The following LRRFIP1 variants were observed in gnomAD, a reference collection of about 807,000 sequenced individuals.
LRRFIP1 encodes the protein LRR binding FLII interacting protein 1.
Under a neutral mutation model 104.4 loss-of-function variants are expected in LRRFIP1, and 62 were observed. That is an observed-to-expected ratio of 0.59 (90% CI 0.48 to 0.73). The LOEUF (loss-of-function observed/expected upper bound fraction) is 0.73, where lower values mean the gene tolerates loss of function less well. Among genes scored for constraint, LRRFIP1 ranks in the 30% least tolerant of loss-of-function variants. LRRFIP1 has a pLI of 0.00. For synonymous variants in LRRFIP1, 300 were observed against 299.0 expected, an observed-to-expected ratio of 1.00 and a Z score of -0.03; for missense variants, 796 against 824.5, an observed-to-expected ratio of 0.97 and a Z score of 0.42.
Position 237,647,387 on chromosome 2 carries a change from G to A in LRRFIP1, c.96+19647G>A, listed in dbSNP as rs551515074. Among the ~76,000 whole-genome samples the A allele has an allele frequency of 3.0e-4, 45 of 152,136 alleles. 1 individual carries two copies. Among genetic ancestry groups the A allele is most frequent in the Non-Finnish European group, 4.9e-4 (33 of 67,928 alleles). On this transcript the variant is annotated intron_variant, in intron 1 of 23. Transcript: ENST00000308482. ...CTTCTGCCCAGAAGTGGCACAGATG[G>A]TGGAAAGGTGCCAGGTGGGCTCCTC...
At chr2:237,629,686 G>T (rs1195974571) in intron 1 of LRRFIP1, among the ~76,000 whole-genome samples, 1 of 152,042 alleles carries the variant, frequency 6.6e-6, no homozygotes, top group South Asian at 2.1e-4. Flanking sequence ...TGGCCAGGCT[G>T]GTCTCAAACT....
intron 23 of LRRFIP1, among the ~76,000 whole-genome samples, chr2:237,776,939 CTG>C (rs2061145941): frequency 6.6e-6 from 1 of 152,088 alleles, no homozygotes. Context: ...ACCATTTGTT[CTG>C]TCTTTTGTGT....
At chr2:237,755,281 ACT>A (rs1459890398) in intron 15 of LRRFIP1, among the ~76,000 whole-genome samples, 2 of 151,650 alleles carry the variant, frequency 1.3e-5, no homozygotes, top group East Asian at 1.9e-4. Context: ...GCTCCCCCAA[ACT>A]CTCCTGTTTT....
intron 2 of LRRFIP1, among the ~76,000 whole-genome samples, chr2:237,710,479 G>A (rs529066242): frequency 1.3e-5 from 2 of 151,992 alleles, no homozygotes; most frequent in South Asian, 4.2e-4. Flanking sequence ...TAGAGATGGG[G>A]TTTCACCGTG....
intron 1 of LRRFIP1, among the ~76,000 whole-genome samples, chr2:237,693,921 TC>T (rs1312113872): frequency 2.6e-5 from 4 of 152,114 alleles, no homozygotes; most frequent in African/African-American, 7.2e-5. Context: ...TCAGATGACT[TC>T]GAGATGCTGC....
chr2:237,719,301 T>C (rs183517818), intron 4 of LRRFIP1, among the ~76,000 whole-genome samples: 1 of 152,332 alleles, frequency 6.6e-6, no homozygotes, highest in Admixed American at 6.5e-5. Context: ...AAAAATGAAG[T>C]ATGCAAATTA....
intron 11 of LRRFIP1, among the ~76,000 whole-genome samples, chr2:237,747,357 C>T (rs992747292): frequency 2.6e-5 from 4 of 152,118 alleles, no homozygotes; most frequent in South Asian, 2.1e-4. Flanking sequence ...CTGGTGGGAC[C>T]GGATGGTGAG....
intron 9 of LRRFIP1, 55 bp downstream of exon 9, chr2:237,733,873 GC>G: frequency 6.5e-7 from 1 of 1,532,670 alleles, no homozygotes; most frequent in Non-Finnish European, 8.9e-7. Context: ...TGCATGCACC[GC>G]CCCCACCAAG....
chr2:237,735,446 G>GCCGAGTCACCGGGCTAA lies in LRRFIP1; in HGVS notation c.555+117_555+133dup. 1 of 955,844 alleles carries GCCGAGTCACCGGGCTAA rather than the reference G, an allele frequency of 1.0e-6. No homozygotes were observed. 59.2% of individuals were successfully genotyped at this position (955,844 alleles called of 1,614,324 possible). A position where few individuals can be genotyped will look rare whatever the true frequency, so the allele number is the denominator to read the frequency against. ...TGACTGGCCATTCTCAGGAGGAAGC[G>GCCGAGTCACCGGGCTAA]CCGAGTCACCGGGCTAACCGCCACC... On this transcript the variant is annotated intron_variant, in intron 10 of 23. Transcript: ENST00000308482. The surrounding 1 kb of genome is among the most constrained non-coding windows in gnomAD (Gnocchi z 4.6).
chr2:237,704,824 C>T (rs1204912666), intron 1 of LRRFIP1, among the ~76,000 whole-genome samples: 2 of 152,104 alleles, frequency 1.3e-5, no homozygotes, highest in African/African-American at 2.4e-5. Context: ...GGTGGGCTTG[C>T]GTGTGTCCCC....
At chr2:237,663,271 G>A (rs563231311) in intron 1 of LRRFIP1, among the ~76,000 whole-genome samples, 3 of 152,348 alleles carry the variant, frequency 2.0e-5, no homozygotes, top group African/African-American at 7.2e-5. Flanking sequence ...GTGAAAGAAG[G>A]TGCTGTAGTC....
At chr2:237,714,424 G>T in intron 3 of LRRFIP1, 148 bp downstream of exon 3, 1 of 595,958 alleles carries the variant, frequency 1.7e-6, no homozygotes, top group Non-Finnish European at 2.9e-6. Context: ...GAATTTGTTT[G>T]AACAAGAATG....
At chr2:237,660,942 C>G (rs530291868) in intron 1 of LRRFIP1, among the ~76,000 whole-genome samples, 2 of 152,324 alleles carry the variant, frequency 1.3e-5, no homozygotes, top group Non-Finnish European at 2.9e-5. Context: ...CTGCAGGACC[C>G]ACTGTCATCC....
intron 19 of LRRFIP1, chr2:237,764,279 AGT>A: frequency 1.3e-6 from 2 of 1,567,680 alleles, no homozygotes; most frequent in South Asian, 2.4e-5. Flanking sequence ...TACTGCTTTA[AGT>A]TATAGACTGT....
At chr2:237,763,610 A>T (rs3739041) in intron 19 of LRRFIP1, 4 of 1,613,628 alleles carry the variant, frequency 2.5e-6, no homozygotes, top group Non-Finnish European at 2.5e-6. Flanking sequence ...TCCAAAACAG[A>T]AAATTGCAGC....
At chr2:237,721,161 T>C in intron 6 of LRRFIP1, 1 of 234,600 alleles carries the variant, frequency 4.3e-6, no homozygotes, top group Non-Finnish European at 8.7e-6. Context: ...GCGTCTGCCC[T>C]TTAGTAAGTC....
chr2:237,768,848 G>C (rs2060400847), intron 19 of LRRFIP1: 1 of 152,208 alleles, frequency 6.6e-6, no homozygotes, highest in African/African-American at 2.4e-5. Context: ...ATCAAGGTTA[G>C]TTTTTCATTC....
chr2:237,759,554 A>G (rs994512132), intron 18 of LRRFIP1, among the ~76,000 whole-genome samples: 8 of 152,236 alleles, frequency 5.3e-5, no homozygotes, highest in African/African-American at 1.9e-4. Flanking sequence ...GCAGTTGGGA[A>G]GTGCTGCTGT....
intron 1 of LRRFIP1, among the ~76,000 whole-genome samples, chr2:237,674,407 T>C (rs2090829402): frequency 6.6e-6 from 1 of 152,168 alleles, no homozygotes; most frequent in Admixed American, 6.5e-5. Context: ...ACTGCAAAAG[T>C]GACTGTTTGC....
Sources: allele counts gnomAD v4.1 joint callset (sites outside exome capture counted in the v4.1 genomes callset), GRCh38; gene constraint gnomAD v4.1.1; non-coding constraint Gnocchi (gnomAD v3.1); transcripts MANE v1.5; gene names NCBI Gene and HGNC (gene_info 2026-07-23, HGNC 2026-07-21).